Variants in MROH2A observed in about 807,000 individuals in gnomAD.
MROH2A encodes the protein maestro heat-like repeat-containing protein family member 2A.
In MROH2A, 174 loss-of-function variants were observed where a neutral mutation model predicts 200.4. The observed-to-expected ratio is 0.87, with a 90% CI of 0.77 to 0.98. The LOEUF (loss-of-function observed/expected upper bound fraction) is 0.98, where lower values mean the gene tolerates loss of function less well. Among genes scored for constraint, MROH2A ranks in the 50% least tolerant of loss-of-function variants. The probability of loss-of-function intolerance (pLI) is 0.00; values close to 1 mark genes in which losing one functional copy is unlikely to be tolerated. For synonymous variants in MROH2A, 829 were observed against 840.4 expected, an observed-to-expected ratio of 0.99 and a Z score of 0.23; for missense variants, 2,045 against 2,139.6, an observed-to-expected ratio of 0.96 and a Z score of 0.87.
At position 233,820,000 on chromosome 2, in the gene MROH2A, C is replaced by T. The variant is rs1436942082; in HGVS notation, c.3456C>T (p.His1152=). The change falls in exon 31 of 42, where the codon CAC becomes CAT. Residue 1152 remains histidine, a synonymous_variant. Transcript: ENST00000389758. ...LLIDGILLLA[H]HHQETILTSL... ...TTGACGGCATCCTGCTGCTGGCGCA[C>T]CACCACCAGGAGACCATCCTCACAT... is the stretch of plus-strand genomic sequence containing the variant. 3 of 1,546,230 alleles carry T rather than the reference C, an allele frequency of 1.9e-6. No homozygotes were observed. The highest frequency in any genetic ancestry group is 2.7e-5 in the African/African-American group (2 of 73,068).
At chr2:233,793,249 C>T (rs972918344) in intron 6 of MROH2A, among the ~76,000 whole-genome samples, 1 of 152,190 alleles carries the variant, frequency 6.6e-6, no homozygotes, top group Non-Finnish European at 1.5e-5. Flanking sequence ...TGGAGCTTGA[C>T]GGGGACTGGT....
rs908863105 is a variant in MROH2A, at chr2:233,789,576, G to A, written c.356G>A (p.Cys119Tyr). Residue 119 changes from cysteine to tyrosine, a missense_variant, in exon 4 of 42, where the codon TGC becomes TAC. By Grantham distance (194) the Cys-to-Tyr change is radical. This residue lies in a region of MROH2A where 831 missense variants were observed against 800.0 expected (regional missense o/e 1.04). Coordinates refer to ENST00000389758, the MANE Select transcript of MROH2A (RefSeq NM_001394639.1). ...CAGGAGGGGGAGCTGGAGGAGCAGTGCGTGCAGAGGCTGGTGGCCATTGCC... is the reference window on the plus strand; with the variant it reads ...CAGGAGGGGGAGCTGGAGGAGCAGTACGTGCAGAGGCTGGTGGCCATTGCC... ...IQQEGELEEQ[C>Y]VQRLVAIASK... 7 of 1,497,728 alleles carry A rather than the reference G, an allele frequency of 4.7e-6. No homozygotes were observed. Among genetic ancestry groups the A allele is most frequent in the Non-Finnish European group, 6.2e-6 (7 of 1,122,066 alleles). The allele number at this position is 1,497,728 out of a possible 1,614,324, so 92.8% of individuals were successfully genotyped here. A position where few individuals can be genotyped will look rare whatever the true frequency, so the allele number is the denominator to read the frequency against.
chr2:233,809,739 A>C (rs1703032621), intron 22 of MROH2A, among the ~76,000 whole-genome samples: 1 of 151,488 alleles, frequency 6.6e-6, no homozygotes, highest in African/African-American at 2.4e-5. Flanking sequence ...ACTATGGCAA[A>C]ATACACCTAA....
chr2:233,793,606 C>A, intron 6 of MROH2A, 67 bp from the exon 7 acceptor site: 1 of 1,312,280 alleles, frequency 7.6e-7, no homozygotes, highest in African/African-American at 1.5e-5. Flanking sequence ...GGAAGCTGGG[C>A]TGGGAAGGCT....
intron 3 of MROH2A, among the ~76,000 whole-genome samples, chr2:233,786,258 C>A (rs1399080788): frequency 1.3e-5 from 2 of 152,210 alleles, no homozygotes; most frequent in African/African-American, 2.4e-5. Context: ...TACCCAGTCT[C>A]AGGTATGTTT....
In MROH2A at chr2:233,803,480, C is replaced by T. The variant is rs778808043; in HGVS notation, c.1741C>T (p.Arg581Cys). The T allele has an allele frequency of 3.7e-5, 58 of 1,550,354 alleles. No homozygotes were observed. The highest frequency in any genetic ancestry group is 4.3e-5 in the Non-Finnish European group (49 of 1,146,990). Residue 581 changes from arginine (R) to cysteine (C), a missense_variant, in exon 16 of 42, where the codon CGT (arginine) becomes TGT (cysteine). By Grantham distance (180) the Arg-to-Cys change is radical. Coordinates refer to ENST00000389758, the MANE Select transcript of MROH2A (RefSeq NM_001394639.1). ...DLPAPQKLLA[R>C]LLVLMSSPYK... ...GCCTGCACCTCAGAAGCTGCTGGCC[C>T]GTCTCCTGGTGAGTGGCTGACCTGC...
At chr2:233,792,408 G>C (rs1413892210) in intron 5 of MROH2A, among the ~76,000 whole-genome samples, 2 of 151,658 alleles carry the variant, frequency 1.3e-5, no homozygotes, top group Non-Finnish European at 2.9e-5. Flanking sequence ...CGCCTCCCGG[G>C]TTCACGCCAT....
intron 6 of MROH2A, 48 bp downstream of exon 6, chr2:233,792,942 G>A: frequency 6.5e-7 from 1 of 1,532,164 alleles, no homozygotes; most frequent in Non-Finnish European, 8.8e-7. Context: ...CAGGGCGCCG[G>A]AGGGAGACTG....
intron 23 of MROH2A, 29 bp downstream of exon 23, chr2:233,810,945 C>T (rs1703112118): frequency 6.5e-7 from 1 of 1,547,742 alleles, no homozygotes. Context: ...CTCCTTGGTC[C>T]TGTTCCTGGT....
intron 3 of MROH2A, among the ~76,000 whole-genome samples, chr2:233,780,965 A>G (rs1021309038): frequency 2.0e-5 from 3 of 152,200 alleles, no homozygotes; most frequent in Non-Finnish European, 2.9e-5. Flanking sequence ...TATAGCTCCC[A>G]TATATGAGTG....
At chr2:233,779,585 G>A (rs181198896) in intron 2 of MROH2A, 86 bp from the exon 3 acceptor site, 51 of 1,447,416 alleles carry the variant, frequency 3.5e-5, no homozygotes, top group East Asian at 2.5e-4. Context: ...CTGGAGCTGC[G>A]CAGGTGGAGG....
chr2:233,803,340 T>C (rs1702589644), intron 15 of MROH2A, 108 bp from the exon 16 acceptor site: 1 of 1,195,240 alleles, frequency 8.4e-7, no homozygotes, highest in Non-Finnish European at 1.2e-6. Flanking sequence ...GGGAACAAGA[T>C]CATGTTGGGG....
chr2:233,804,093 G>C lies in MROH2A; in HGVS notation c.1792G>C (p.Ala598Pro). The change falls in exon 17 of 42, where the codon GCC becomes CCC. Residue 598 changes from alanine (A) to proline (P), a missense_variant. Coordinates refer to ENST00000389758, the MANE Select transcript of MROH2A (RefSeq NM_001394639.1). ...SPYKGEGRGI[A>P]MLNLLRTLSQ... is the part of the protein sequence containing the mutation. ...TTACAAGGGGGAGGGTCGTGGGATA[G>C]CCATGCTCAACCTCTTGAGGACCCT... is the stretch of plus-strand genomic sequence containing the variant. 1 of 1,550,562 alleles carries C rather than the reference G, an allele frequency of 6.4e-7. No individual in the cohort carries two copies. Among genetic ancestry groups the C allele is most frequent in the Middle Eastern group, 1.7e-4 (1 of 5,992 alleles).
At position 233,796,800 on chromosome 2, in the gene MROH2A, G is replaced by A. The variant is rs747154108; in HGVS notation, c.1252+487G>A. ...CTGTTGACAGCATGCAGCCCTACAG[G>A]TACATAATGGTTAGAAGAGCATGGG... is the stretch of plus-strand genomic sequence containing the variant. On this transcript the variant is annotated intron_variant, in intron 11 of 41. Coordinates refer to ENST00000389758, the MANE Select transcript of MROH2A (RefSeq NM_001394639.1). 5.3e-5 allele frequency among the ~76,000 whole-genome samples: 8 copies of A among 152,188 alleles called. No homozygotes were observed. The East Asian group carries it at 7.7e-4, about 15-fold the overall frequency.
intron 23 of MROH2A, 130 bp downstream of exon 23, chr2:233,811,046 C>A: frequency 9.5e-7 from 1 of 1,051,554 alleles, no homozygotes; most frequent in Non-Finnish European, 1.4e-6. Context: ...CTTGGCTCTG[C>A]TTTGTCCTAA....
At chr2:233,796,113 C>A (rs151099222) in intron 10 of MROH2A, 68 bp downstream of exon 10, 7 of 1,515,294 alleles carry the variant, frequency 4.6e-6, no homozygotes, top group South Asian at 1.2e-5. Flanking sequence ...GGAGTCCCGG[C>A]CCCTCTGAGC....
chr2:233,810,898 T>C lies in MROH2A; in HGVS notation c.2553T>C (p.Thr851=). ...LEDFHFAQKT[T]LTSIIVAVIK... ...ACTTTCACTTTGCCCAGAAGACGAC[T>C]CTTACCAGCATTATAGTGGTAAGCT... Residue 851 remains threonine, a synonymous_variant, in exon 23 of 42, where the codon ACT becomes ACC. Coordinates refer to ENST00000389758, the MANE Select transcript of MROH2A (RefSeq NM_001394639.1). 3.2e-6 allele frequency: 5 copies of C among 1,550,264 alleles called. No individual in the cohort carries two copies. Among genetic ancestry groups the C allele is most frequent in the Middle Eastern group, 1.7e-4 (1 of 5,990 alleles).
chr2:233,805,256 T>G (rs906432362), intron 19 of MROH2A, 145 bp downstream of exon 19: 1 of 547,368 alleles, frequency 1.8e-6, no homozygotes, highest in Non-Finnish European at 3.2e-6. Context: ...TGGTCTGGAT[T>G]GGTGGTTTTA....
At chr2:233,829,808 T>C in intron 38 of MROH2A, 33 bp downstream of exon 38, 1 of 1,291,974 alleles carries the variant, frequency 7.7e-7, no homozygotes, top group African/African-American at 1.5e-5. Flanking sequence ...TGTCCCAGTC[T>C]GGGGCCCGCT....
Sources: allele counts gnomAD v4.1 joint callset (sites outside exome capture counted in the v4.1 genomes callset), GRCh38; gene constraint gnomAD v4.1.1; regional missense constraint gnomAD v4.1.1; transcripts MANE v1.5; gene names NCBI Gene and HGNC (gene_info 2026-07-23, HGNC 2026-07-21).